LHFPL2: variants seen among roughly 807,000 people sequenced by gnomAD.
LHFPL2 encodes LHFPL tetraspan subfamily member 2.
A neutral mutation model predicts 17.5 loss-of-function variants in LHFPL2; 7 were observed. The observed-to-expected ratio is 0.40, with a 90% confidence interval of 0.23 to 0.75. The LOEUF (loss-of-function observed/expected upper bound fraction) is 0.75. Ranked by LOEUF, LHFPL2 falls within the 30% of genes least tolerant of loss-of-function variation. The probability of loss-of-function intolerance (pLI) is 0.37; values close to 1 mark genes in which losing one functional copy is unlikely to be tolerated. For synonymous variants in LHFPL2, 134 were observed against 116.2 expected, an observed-to-expected ratio of 1.15 and a Z score of -0.99; for missense variants, 241 against 294.8, an observed-to-expected ratio of 0.82 and a Z score of 1.34.
At chr5:78,493,918 G>T (rs1754526678) in intron 4 of LHFPL2, among the ~76,000 whole-genome samples, 1 of 152,186 alleles carries the variant, frequency 6.6e-6, no homozygotes, top group Non-Finnish European at 1.5e-5. Context: ...ACTCAATTTG[G>T]AGTACACTCA....
chr5:78,597,625 C>CT (rs1436118068), intron 2 of LHFPL2, among the ~76,000 whole-genome samples: 1 of 150,830 alleles, frequency 6.6e-6, no homozygotes, highest in Admixed American at 6.6e-5. Context: ...TCAATTCTTC[C>CT]TTCTTTGTTT....
chr5:78,515,152 A>G (rs559867976), intron 3 of LHFPL2, among the ~76,000 whole-genome samples: 1 of 152,092 alleles, frequency 6.6e-6, no homozygotes, highest in East Asian at 1.9e-4. Context: ...AAATTTCCCT[A>G]CCCCTGCCCT....
In LHFPL2 at chr5:78,534,126, A is replaced by G. The variant is rs1755867084; in HGVS notation, c.-185-23728T>C. 2.6e-5 allele frequency among the ~76,000 whole-genome samples: 4 copies of G among 152,344 alleles called. No homozygotes were observed. The South Asian group carries it at 8.3e-4, about 32-fold the overall frequency. On this transcript the variant is annotated intron_variant, in intron 3 of 4. Coordinates refer to ENST00000380345, the MANE Select transcript of LHFPL2 (RefSeq NM_005779.3). ...TGGACCCACTGCCCCAGGAGGGTACATGTCGGAGGCTCTCAGGGGTCCAGA... is the reference window on the plus strand; with the variant it reads ...TGGACCCACTGCCCCAGGAGGGTACGTGTCGGAGGCTCTCAGGGGTCCAGA...
At chr5:78,529,742 T>C (rs559231570) in intron 3 of LHFPL2, among the ~76,000 whole-genome samples, 1 of 152,104 alleles carries the variant, frequency 6.6e-6, no homozygotes, top group Non-Finnish European at 1.5e-5. Context: ...ATTTTTGCAA[T>C]ATTAGAGAGT....
At chr5:78,535,870 G>T (rs1755935258) in intron 3 of LHFPL2, among the ~76,000 whole-genome samples, 1 of 152,190 alleles carries the variant, frequency 6.6e-6, no homozygotes, top group African/African-American at 2.4e-5. Flanking sequence ...CAATCTATAG[G>T]TTAGTATCAA....
At chr5:78,610,901 C>T (rs533667104) in intron 2 of LHFPL2, among the ~76,000 whole-genome samples, 2,359 of 129,886 alleles carry the variant, frequency 0.018, 66 homozygotes, top group African/African-American at 0.06. Context: ...TGTCATTAGA[C>T]CATAAGCAAA....
chr5:78,504,499 T>A (rs1286169380), intron 4 of LHFPL2, among the ~76,000 whole-genome samples: 1 of 152,132 alleles, frequency 6.6e-6, no homozygotes, highest in Non-Finnish European at 1.5e-5. Context: ...GGTCATAACC[T>A]TGATGCTTAA....
intron 2 of LHFPL2, among the ~76,000 whole-genome samples, chr5:78,612,496 G>C (rs1744455337): frequency 6.6e-6 from 1 of 152,192 alleles, no homozygotes; most frequent in Non-Finnish European, 1.5e-5. Flanking sequence ...ATAAAGAGAG[G>C]AGAGTTTGCT....
At chr5:78,492,115 G>A (rs546475556) in intron 4 of LHFPL2, among the ~76,000 whole-genome samples, 4 of 152,172 alleles carry the variant, frequency 2.6e-5, no homozygotes, top group Non-Finnish European at 5.9e-5. Flanking sequence ...GTCCTAAGGT[G>A]CCACTCTGGT....
At chr5:78,503,416 G>T (rs1033172106) in intron 4 of LHFPL2, among the ~76,000 whole-genome samples, 4 of 152,130 alleles carry the variant, frequency 2.6e-5, no homozygotes, top group African/African-American at 9.7e-5. Context: ...TCCCCGTCTT[G>T]GCCAGGTGCG....
chr5:78,578,749 A>G (rs1001691172), intron 2 of LHFPL2, among the ~76,000 whole-genome samples: 7 of 152,176 alleles, frequency 4.6e-5, no homozygotes, highest in Admixed American at 6.5e-5. Flanking sequence ...TCTCTGGGAA[A>G]TGTCTTCCAG....
chr5:78,598,015 T>C (rs924930268), intron 2 of LHFPL2, among the ~76,000 whole-genome samples: 2 of 152,186 alleles, frequency 1.3e-5, no homozygotes, highest in Admixed American at 1.3e-4. Context: ...ATCCAACTTT[T>C]GAATAATGCA....
intron 3 of LHFPL2, among the ~76,000 whole-genome samples, chr5:78,513,653 A>C (rs1056431514): frequency 2.0e-5 from 3 of 152,152 alleles, no homozygotes; most frequent in Non-Finnish European, 4.4e-5. Flanking sequence ...TAATTGAATC[A>C]TGGGGGCGGA....
chr5:78,542,007 G>T (rs534221893), intron 3 of LHFPL2, among the ~76,000 whole-genome samples: 11 of 152,162 alleles, frequency 7.2e-5, no homozygotes, highest in African/African-American at 2.6e-4. Flanking sequence ...TTATGACAAG[G>T]GTCCATTTCA....
intron 3 of LHFPL2, among the ~76,000 whole-genome samples, chr5:78,536,293 C>T (rs115492025): frequency 0.014 from 2,100 of 152,238 alleles, 13 homozygotes; most frequent in South Asian, 0.026. Flanking sequence ...AGCAGTCGGC[C>T]GGGCGCCCAG....
At chr5:78,573,217 G>A (rs1318944377) in intron 2 of LHFPL2, among the ~76,000 whole-genome samples, 1 of 152,152 alleles carries the variant, frequency 6.6e-6, no homozygotes, top group Non-Finnish European at 1.5e-5. Flanking sequence ...TACCATGGTG[G>A]GTGCAAGCAC....
chr5:78,529,051 G>A (rs1441102315), intron 3 of LHFPL2, among the ~76,000 whole-genome samples: 2 of 152,022 alleles, frequency 1.3e-5, no homozygotes, highest in Admixed American at 6.5e-5. Context: ...AGGCTGAGAC[G>A]GGAGGACTGC....
At chr5:78,489,197 C>G in intron 4 of LHFPL2, 44 bp from the exon 5 acceptor site, 1 of 1,606,968 alleles carries the variant, frequency 6.2e-7, no homozygotes, top group Non-Finnish European at 8.5e-7. Flanking sequence ...CCCCATGGTG[C>G]TACAACTGTC....
chr5:78,597,180 G>A (rs909749437), intron 2 of LHFPL2, among the ~76,000 whole-genome samples: 7 of 152,152 alleles, frequency 4.6e-5, no homozygotes, highest in Admixed American at 6.6e-5. Flanking sequence ...CGAGCGAGGC[G>A]CCAAGAGAGC....
Sources: allele counts gnomAD v4.1 joint callset (sites outside exome capture counted in the v4.1 genomes callset), GRCh38; gene constraint gnomAD v4.1.1; transcripts MANE v1.5; gene names NCBI Gene and HGNC (gene_info 2026-07-23, HGNC 2026-07-21).